SLCO1A2: variants seen among roughly 807,000 people sequenced by gnomAD.
SLCO1A2 encodes the protein OATP-1.
In SLCO1A2, 67 loss-of-function variants were observed where a neutral mutation model predicts 69.0. The ratio of observed to expected loss-of-function variants is 0.97; its 90% CI spans 0.80 to 1.19. The LOEUF (loss-of-function observed/expected upper bound fraction) is 1.19. Ranked by LOEUF, SLCO1A2 falls within the 50% of genes most tolerant of loss-of-function variation. SLCO1A2 has a pLI of 0.00. For synonymous variants in SLCO1A2, 260 were observed against 265.9 expected (o/e 0.98, Z 0.22); for missense variants, 787 against 793.7 (o/e 0.99, Z 0.10).
rs1439530860 is a variant in SLCO1A2 at position 21,301,162 on chromosome 12, T to G, written c.688+9A>C. ...CTAGACACTGTACAAATAGATTTTA[T>G]TGAATTACCTGTGTTCACAAATCCA... On this transcript the variant is annotated intron_variant, in intron 7 of 14. Coordinates refer to ENST00000683939, the MANE Select transcript of SLCO1A2 (RefSeq NM_001386879.1). 34 of 1,583,378 alleles carry G rather than the reference T, an allele frequency of 2.1e-5. No individual in the cohort carries two copies. Among genetic ancestry groups the G allele is most frequent in the Non-Finnish European group, 2.5e-5 (29 of 1,154,014 alleles).
intron 2 of SLCO1A2, among the ~76,000 whole-genome samples, chr12:21,325,436 T>C (rs911415792): frequency 2.0e-5 from 3 of 152,234 alleles, no homozygotes; most frequent in African/African-American, 7.2e-5. Flanking sequence ...CAGACCATTT[T>C]ACTTTTTCTG....
intron 1 of SLCO1A2, among the ~76,000 whole-genome samples, chr12:21,382,808 A>G (rs1473064127): frequency 6.6e-6 from 1 of 151,654 alleles, no homozygotes; most frequent in South Asian, 2.1e-4. Context: ...AAAAAAAAAA[A>G]AGAAAGAAAA....
chr12:21,403,196 T>C lies in SLCO1A2; in HGVS notation c.-312+14686A>G, dbSNP rs142402577. 1.9e-3 allele frequency among the ~76,000 whole-genome samples: 283 copies of C among 152,226 alleles called. 1 individual carries two copies. The highest frequency in any genetic ancestry group is 5.6e-3 in the Admixed American group (85 of 15,286). On this transcript the variant is annotated intron_variant, in intron 1 of 4. Transcript: ENST00000413682. ...CATATTTGAAAACTCAAAATGTAAA[T>C]CTGTATCTGTGCATGCATAAACAAA...
intron 1 of SLCO1A2, among the ~76,000 whole-genome samples, chr12:21,406,785 A>T (rs1224598244): frequency 2.0e-5 from 3 of 152,196 alleles, no homozygotes; most frequent in Non-Finnish European, 4.4e-5. Flanking sequence ...AGTTGATATT[A>T]GGTTAGCAAA....
Position 21,295,690 on chromosome 12 carries a change from C to A in SLCO1A2, c.1178G>T (p.Trp393Leu), listed in dbSNP as rs755241596. ...TVKQAAHIGC[W>L]LSLLEYLLYF... is the part of the protein sequence containing the mutation. ...GAGAAGATACTCAAGTAAGGATAAC[C>A]AACATCCTATGTGGGCAGCTTGTTT... The change falls in exon 10 of 15, where the codon TGG (tryptophan) becomes TTG (leucine). Residue 393 changes from tryptophan (W) to leucine (L), a missense_variant. Trp to Leu is a moderately conservative substitution (Grantham distance 61, BLOSUM62 -2). Coordinates refer to ENST00000683939, the MANE Select transcript of SLCO1A2 (RefSeq NM_001386879.1). The A allele has an allele frequency of 3.7e-6, 6 of 1,607,596 alleles. No individual in the cohort carries two copies. Among genetic ancestry groups the A allele is most frequent in the African/African-American group, 1.3e-5 (1 of 74,718 alleles).
chr12:21,293,131 C>T (rs1211387821), intron 11 of SLCO1A2, among the ~76,000 whole-genome samples: 2 of 152,126 alleles, frequency 1.3e-5, no homozygotes, highest in African/African-American at 2.4e-5. Context: ...GGTGAAATCC[C>T]GTCTCTACTA....
intron 5 of SLCO1A2, 116 bp downstream of exon 5, chr12:21,306,766 G>C (rs979932200): frequency 6.6e-6 from 4 of 604,972 alleles, no homozygotes; most frequent in Non-Finnish European, 8.8e-6. Context: ...TTCCTGGAGA[G>C]AGAACATATC....
chr12:21,351,375 G>A (rs1408514550), intron 2 of SLCO1A2, among the ~76,000 whole-genome samples: 1 of 152,152 alleles, frequency 6.6e-6, no homozygotes, highest in Non-Finnish European at 1.5e-5. Context: ...ACCTGTTAAA[G>A]AAAAATCTCC....
chr12:21,392,984 CCTATT>C (rs1267986587), intron 1 of SLCO1A2, among the ~76,000 whole-genome samples: 1 of 151,952 alleles, frequency 6.6e-6, no homozygotes, highest in African/African-American at 2.4e-5. Flanking sequence ...TTATCTCTCA[CCTATT>C]CTAAATCTTA....
chr12:21,324,005 A>C (rs1382071610), intron 2 of SLCO1A2, among the ~76,000 whole-genome samples: 6 of 152,194 alleles, frequency 3.9e-5, no homozygotes, highest in Non-Finnish European at 8.8e-5. Flanking sequence ...AGAGATTTGC[A>C]TCTCTAGTCT....
At chr12:21,349,161 A>G (rs1396846226) in intron 2 of SLCO1A2, among the ~76,000 whole-genome samples, 1 of 152,146 alleles carries the variant, frequency 6.6e-6, no homozygotes, top group Non-Finnish European at 1.5e-5. Context: ...GTATTACAAG[A>G]GTCACCTCTG....
At chr12:21,360,930 G>T (rs1330275339) in intron 2 of SLCO1A2, among the ~76,000 whole-genome samples, 1 of 152,206 alleles carries the variant, frequency 6.6e-6, no homozygotes, top group Non-Finnish European at 1.5e-5. Context: ...AAGGAGGCCT[G>T]CCTGCCTCTG....
At chr12:21,401,064 T>G (rs1270601847) in intron 1 of SLCO1A2, among the ~76,000 whole-genome samples, 2 of 150,720 alleles carry the variant, frequency 1.3e-5, no homozygotes, top group Non-Finnish European at 3.0e-5. Context: ...CAGGAACAAA[T>G]AAAGGTTCCC....
rs367548915 is a variant in SLCO1A2, at chr12:21,407,035, T to C, written c.-312+10847A>G. On this transcript the variant is annotated intron_variant, in intron 1 of 4. Coordinates refer to the SLCO1A2 transcript ENST00000413682. ...ACCCATACCTACCTCCTTGTTTCAC[T>C]TTTTCATCTTCTGTCAAGATCATCC... 1.9e-4 allele frequency among the ~76,000 whole-genome samples: 29 copies of C among 152,306 alleles called. No homozygotes were observed. The East Asian group carries it at 4.8e-3, about 25-fold the overall frequency.
chr12:21,377,241 C>T (rs1280119110), intron 1 of SLCO1A2, among the ~76,000 whole-genome samples: 1 of 152,006 alleles, frequency 6.6e-6, no homozygotes, highest in Non-Finnish European at 1.5e-5. Context: ...AGCATAAGAT[C>T]CAAGCAGGAA....
intron 2 of SLCO1A2, among the ~76,000 whole-genome samples, chr12:21,345,221 C>T (rs890078232): frequency 6.6e-6 from 1 of 151,772 alleles, no homozygotes; most frequent in African/African-American, 2.4e-5. Context: ...TCAGTTCATT[C>T]TTCTGTAAAT....
At chr12:21,388,926 C>T (rs1174725004) in intron 1 of SLCO1A2, among the ~76,000 whole-genome samples, 1 of 152,118 alleles carries the variant, frequency 6.6e-6, no homozygotes, top group Non-Finnish European at 1.5e-5. Flanking sequence ...AGACCTAGAC[C>T]CTTTTGTACC....
intron 6 of SLCO1A2, among the ~76,000 whole-genome samples, chr12:21,302,636 G>T (rs1038931611): frequency 3.3e-5 from 5 of 151,304 alleles, no homozygotes; most frequent in Non-Finnish European, 7.4e-5. Context: ...CCGGGTTCAA[G>T]TGATCCACCT....
chr12:21,274,662 C>A (rs1312555587), intron 13 of SLCO1A2, 76 bp from the exon 14 acceptor site: 3 of 1,068,086 alleles, frequency 2.8e-6, no homozygotes, highest in African/African-American at 3.1e-5. Context: ...TTTCAATTTT[C>A]TTTATTTGTA....
Sources: gnomAD v4.1 joint callset for allele counts (sites outside exome capture counted in the v4.1 genomes callset) on GRCh38, gnomAD v4.1.1 for gene constraint, MANE v1.5 for transcripts, NCBI Gene and HGNC (gene_info 2026-07-23, HGNC 2026-07-21) for gene names.